ZFAND6: variants seen among roughly 807,000 people sequenced by gnomAD.
ZFAND6 encodes the protein AN1-type zinc finger protein 6.
A neutral mutation model predicts 24.5 loss-of-function variants in ZFAND6; 12 were observed. That is an observed-to-expected ratio of 0.49 (90% CI 0.31 to 0.79). The LOEUF is 0.79. Ranked by LOEUF, ZFAND6 falls within the 30% of genes least tolerant of loss-of-function variation. The pLI is 0.04. For missense variants in ZFAND6, 207 were observed against 245.9 expected (o/e 0.84, Z 1.06); for synonymous variants, 92 against 81.5 (o/e 1.13, Z -0.69).
intron 1 of ZFAND6, among the ~76,000 whole-genome samples, chr15:80,061,401 A>G (rs1453360935): frequency 6.6e-6 from 1 of 152,216 alleles, no homozygotes; most frequent in East Asian, 1.9e-4. Flanking sequence ...AAAAAAAAAC[A>G]CGGTAAAGTA....
intron 1 of ZFAND6, among the ~76,000 whole-genome samples, chr15:80,064,368 T>G (rs2036495599): frequency 6.6e-6 from 1 of 152,216 alleles, no homozygotes; most frequent in Non-Finnish European, 1.5e-5. Context: ...TGTCTATCCA[T>G]CTACCCTCCA....
intron 1 of ZFAND6, among the ~76,000 whole-genome samples, chr15:80,072,400 C>T (rs1227396031): frequency 2.0e-5 from 3 of 152,024 alleles, no homozygotes; most frequent in Non-Finnish European, 2.9e-5. Context: ...CTTTAAGAAA[C>T]CAGCTTATCC....
chr15:80,110,627 A>C (rs888313267), intron 2 of ZFAND6, among the ~76,000 whole-genome samples: 1 of 152,026 alleles, frequency 6.6e-6, no homozygotes, highest in African/African-American at 2.4e-5. Flanking sequence ...AAACTGTATA[A>C]TTTAGAATAG....
At chr15:80,110,433 G>T (rs1195946120) in intron 2 of ZFAND6, among the ~76,000 whole-genome samples, 1 of 152,072 alleles carries the variant, frequency 6.6e-6, no homozygotes, top group Non-Finnish European at 1.5e-5. Context: ...TAAATAAACT[G>T]AGAGATATAC....
At chr15:80,096,415 T>G (rs1470131085) in intron 1 of ZFAND6, among the ~76,000 whole-genome samples, 1 of 152,198 alleles carries the variant, frequency 6.6e-6, no homozygotes, top group Non-Finnish European at 1.5e-5. Flanking sequence ...TGGACAAATA[T>G]TTTAACTTAT....
At chr15:80,067,590 T>A (rs546559426) in intron 1 of ZFAND6, among the ~76,000 whole-genome samples, 123 of 152,296 alleles carry the variant, frequency 8.1e-4, no homozygotes, top group African/African-American at 2.9e-3. Flanking sequence ...TTAAATAAAT[T>A]TAAATTTAAT....
At chr15:80,114,624 CT>C (rs780857109) in intron 2 of ZFAND6, among the ~76,000 whole-genome samples, 3 of 152,074 alleles carry the variant, frequency 2.0e-5, no homozygotes, top group East Asian at 1.9e-4. Flanking sequence ...GGTGACTTAC[CT>C]TTAGGGAAGG....
intron 1 of ZFAND6, among the ~76,000 whole-genome samples, chr15:80,070,775 A>G (rs1327511613): frequency 6.6e-6 from 1 of 152,142 alleles, no homozygotes; most frequent in Non-Finnish European, 1.5e-5. Context: ...TGCTTGCCAG[A>G]TTTTAAGATT....
chr15:80,077,818 G>A (rs937435608), intron 1 of ZFAND6, among the ~76,000 whole-genome samples: 1 of 148,610 alleles, frequency 6.7e-6, no homozygotes, highest in African/African-American at 2.5e-5. Flanking sequence ...TCCTGTCTCA[G>A]CCTCCCAAGG....
At chr15:80,109,945 A>G (rs1274417987) in intron 2 of ZFAND6, among the ~76,000 whole-genome samples, 1 of 152,198 alleles carries the variant, frequency 6.6e-6, no homozygotes, top group Admixed American at 6.5e-5. Context: ...TGCAGTTCAC[A>G]TGTCAGCTAA....
intron 2 of ZFAND6, among the ~76,000 whole-genome samples, chr15:80,109,782 A>G (rs1179205781): frequency 2.6e-5 from 4 of 152,242 alleles, no homozygotes; most frequent in African/African-American, 9.6e-5. Context: ...AGGGAGATAT[A>G]TATACCAGAA....
chr15:80,061,566 T>C (rs1004189344), intron 1 of ZFAND6, among the ~76,000 whole-genome samples: 10 of 152,256 alleles, frequency 6.6e-5, no homozygotes, highest in African/African-American at 2.2e-4. Flanking sequence ...TTTTATCATA[T>C]ATGTTTGTAT....
chr15:80,128,427 A>G (rs1344596393), intron 5 of ZFAND6, among the ~76,000 whole-genome samples: 1 of 152,092 alleles, frequency 6.6e-6, no homozygotes, highest in South Asian at 2.1e-4. Context: ...AGAAAGAGTG[A>G]AAAGACTGTT....
chr15:80,131,632 T>C (rs2040607585), intron 6 of ZFAND6: 1 of 319,758 alleles, frequency 3.1e-6, no homozygotes, highest in Admixed American at 4.5e-5. Context: ...GTACTTTCTA[T>C]ATATAAAATA....
At chr15:80,080,172 A>G (rs1190232522) in intron 1 of ZFAND6, among the ~76,000 whole-genome samples, 2 of 150,708 alleles carry the variant, frequency 1.3e-5, no homozygotes, top group Non-Finnish European at 3.0e-5. Flanking sequence ...TAATTTTTGT[A>G]TTTTAGTAGC....
chr15:80,105,449 G>A (rs1049452919), intron 2 of ZFAND6, among the ~76,000 whole-genome samples: 5 of 152,138 alleles, frequency 3.3e-5, no homozygotes, highest in Non-Finnish European at 7.4e-5. Context: ...CTATTAAATA[G>A]TGGACAGTTT....
At chr15:80,137,442 A>G (rs755217224) in intron 6 of ZFAND6, 38 bp from the exon 7 acceptor site, 3 of 1,572,260 alleles carry the variant, frequency 1.9e-6, no homozygotes, top group Non-Finnish European at 2.6e-6. Flanking sequence ...TTAATATTTC[A>G]TCCTTCAACT....
chr15:80,120,353 A>G lies in ZFAND6; in HGVS notation c.9A>G (p.Gln3=), dbSNP rs1567090582. Residue 3 remains glutamine (Q), a synonymous_variant, in exon 3 of 7, where the codon CAA becomes CAG. Coordinates refer to ENST00000261749, the MANE Select transcript of ZFAND6 (RefSeq NM_019006.4). MA[Q]ETNHSQVPML... ...GTGTGCAACTGAGGAACATGGCTCA[A>G]GAAACTAATCACAGCCAAGTGCCTA... 6.4e-7 allele frequency: 1 copy of G among 1,573,290 alleles called. No homozygotes were observed.
intron 1 of ZFAND6, among the ~76,000 whole-genome samples, chr15:80,061,890 C>T (rs778493633): frequency 2.7e-4 from 41 of 152,098 alleles, no homozygotes; most frequent in Non-Finnish European, 2.1e-4. Context: ...GAATGAAAAA[C>T]ATTAGGATTC....
Sources: allele counts gnomAD v4.1 joint callset (sites outside exome capture counted in the v4.1 genomes callset), GRCh38; gene constraint gnomAD v4.1.1; transcripts MANE v1.5; gene names NCBI Gene and HGNC (gene_info 2026-07-23, HGNC 2026-07-21).